The following ZNF804A variants were observed in gnomAD, a reference collection of about 807,000 sequenced individuals.
ZNF804A encodes the protein zinc finger protein 804A.
ZNF804A carries 2 observed loss-of-function variants against 16.5 expected under a neutral mutation model. The observed-to-expected ratio is 0.12, with a 90% CI of 0.05 to 0.38. ZNF804A has a LOEUF of 0.38. Ranked by LOEUF, ZNF804A falls within the 10% of genes least tolerant of loss-of-function variation. ZNF804A has a pLI of 0.99. For missense variants in ZNF804A, 1,473 were observed against 1,390.7 expected (o/e 1.06, Z -0.94); for synonymous variants, 534 against 489.6 (o/e 1.09, Z -1.20).
intron 1 of ZNF804A, among the ~76,000 whole-genome samples, chr2:184,851,975 C>T (rs1695610587): frequency 6.6e-6 from 1 of 151,518 alleles, no homozygotes. Context: ...TTGGGGCATT[C>T]GTATGTCTTC....
intron 1 of ZNF804A, among the ~76,000 whole-genome samples, chr2:184,793,148 C>G (rs1694576603): frequency 6.6e-6 from 1 of 152,076 alleles, no homozygotes; most frequent in Non-Finnish European, 1.5e-5. Context: ...TGTATATGTA[C>G]CATGTTTTCC....
At chr2:184,903,035 GT>G (rs964433480) in intron 2 of ZNF804A, among the ~76,000 whole-genome samples, 1 of 152,154 alleles carries the variant, frequency 6.6e-6, no homozygotes, top group Admixed American at 6.6e-5. Flanking sequence ...CAGGAACCAT[GT>G]TCTTAAGAGA....
At position 184,828,272 on chromosome 2, in the gene ZNF804A, G is replaced by A. The variant is rs915339683; in HGVS notation, c.112-38097G>A. Among the ~76,000 whole-genome samples the A allele has an allele frequency of 1.1e-3, 161 of 151,832 alleles. 4 individuals are homozygous for A. The highest frequency in any genetic ancestry group is 7.4e-5 in the Non-Finnish European group (5 of 67,768). ...AAACAACTGAATGATTTTCCATCCA[G>A]TAGACTCAGAGTCCACAAATAGTTT... is the stretch of plus-strand genomic sequence containing the variant. On this transcript the variant is annotated intron_variant, in intron 1 of 3. Coordinates refer to ENST00000302277, the MANE Select transcript of ZNF804A (RefSeq NM_194250.2).
chr2:184,866,710 T>C (rs1695882554), intron 2 of ZNF804A, among the ~76,000 whole-genome samples, 198 bp downstream of exon 2: 1 of 149,788 alleles, frequency 6.7e-6, no homozygotes, highest in African/African-American at 2.5e-5. Flanking sequence ...AAGGCACCAA[T>C]AGCAAAGTCT....
At chr2:184,923,752 G>T (rs1246544363) in intron 2 of ZNF804A, among the ~76,000 whole-genome samples, 3 of 151,800 alleles carry the variant, frequency 2.0e-5, no homozygotes, top group Admixed American at 6.6e-5. Context: ...GAGGGCTTTT[G>T]TCAGAAAGAG....
chr2:184,909,999 T>C (rs944535806), intron 2 of ZNF804A, among the ~76,000 whole-genome samples: 1 of 152,044 alleles, frequency 6.6e-6, no homozygotes, highest in Non-Finnish European at 1.5e-5. Flanking sequence ...TTTTTTATAA[T>C]TTTGAATTTT....
In ZNF804A at chr2:184,938,037, T is replaced by A. The variant is rs1685822989; in HGVS notation, c.2641T>A (p.Phe881Ile). The change falls in exon 4 of 4, where the codon TTC (phenylalanine) becomes ATC (isoleucine). Residue 881 changes from phenylalanine to isoleucine, a missense_variant. Physicochemically the swap from Phe to Ile is conservative, Grantham distance 21. Transcript: ENST00000302277. Reference sequence around the variant, plus strand: ...AAACCAATTAAGAAACAAACTGTCTTTCCACCCTAACAATCTCCTTCCTTC... The same window carrying A: ...AAACCAATTAAGAAACAAACTGTCTATCCACCCTAACAATCTCCTTCCTTC... ...QTNQLRNKLS[F>I]HPNNLLPSET... The A allele has an allele frequency of 6.2e-7, 1 of 1,614,044 alleles. No individual in the cohort carries two copies. The highest frequency in any genetic ancestry group is 8.5e-7 in the Non-Finnish European group (1 of 1,180,022).
At chr2:184,902,541 C>A (rs963208338) in intron 2 of ZNF804A, 2 of 152,116 alleles carry the variant, frequency 1.3e-5, no homozygotes, top group Admixed American at 6.6e-5. Context: ...TTGGGAGGAC[C>A]AGGAGCCTCT....
chr2:184,917,074 T>C (rs1685460202), intron 2 of ZNF804A, among the ~76,000 whole-genome samples: 1 of 152,096 alleles, frequency 6.6e-6, no homozygotes, highest in African/African-American at 2.4e-5. Context: ...CTAAAAAATA[T>C]TTTCACAGTA....
intron 1 of ZNF804A, among the ~76,000 whole-genome samples, chr2:184,645,710 G>C (rs956213012): frequency 2.6e-5 from 4 of 152,264 alleles, no homozygotes; most frequent in Non-Finnish European, 5.9e-5. Flanking sequence ...GAGGCTTTCA[G>C]CATGCTTTAG....
At chr2:184,702,127 G>C (rs1198205769) in intron 1 of ZNF804A, among the ~76,000 whole-genome samples, 1 of 151,872 alleles carries the variant, frequency 6.6e-6, no homozygotes. Flanking sequence ...TCTTTTTAAA[G>C]AACCTTGTTT....
chr2:184,649,569 T>TA (rs1408025874), intron 1 of ZNF804A, among the ~76,000 whole-genome samples: 1 of 151,458 alleles, frequency 6.6e-6, no homozygotes, highest in Non-Finnish European at 1.5e-5. Context: ...ATGAGCACAA[T>TA]AAAAAATGAC....
chr2:184,827,125 A>G (rs1695179828), intron 1 of ZNF804A, among the ~76,000 whole-genome samples: 1 of 151,848 alleles, frequency 6.6e-6, no homozygotes, highest in Non-Finnish European at 1.5e-5. Flanking sequence ...ACATGAGTTA[A>G]CATTATTCAA....
intron 1 of ZNF804A, among the ~76,000 whole-genome samples, chr2:184,857,888 C>A (rs1695727491): frequency 6.6e-6 from 1 of 151,936 alleles, no homozygotes; most frequent in African/African-American, 2.4e-5. Flanking sequence ...ATAGTTGGGT[C>A]TTGTTTATTT....
At chr2:184,883,928 C>G (rs1445103356) in intron 2 of ZNF804A, among the ~76,000 whole-genome samples, 1 of 152,064 alleles carries the variant, frequency 6.6e-6, no homozygotes, top group Non-Finnish European at 1.5e-5. Flanking sequence ...TCCTATTTCA[C>G]ATAGTACTAG....
chr2:184,794,204 C>G (rs544335031), intron 1 of ZNF804A, among the ~76,000 whole-genome samples: 1 of 152,080 alleles, frequency 6.6e-6, no homozygotes, highest in African/African-American at 2.4e-5. Flanking sequence ...TAGAAGTATT[C>G]CCTTTTCACT....
intron 2 of ZNF804A, among the ~76,000 whole-genome samples, chr2:184,898,330 C>A (rs1685121488): frequency 6.6e-6 from 1 of 152,008 alleles, no homozygotes; most frequent in Non-Finnish European, 1.5e-5. Context: ...CAGTGATGAA[C>A]AGTGAAGAAA....
chr2:184,691,942 T>C (rs1011666412), intron 1 of ZNF804A, among the ~76,000 whole-genome samples: 79 of 152,258 alleles, frequency 5.2e-4, no homozygotes, highest in African/African-American at 1.9e-3. Context: ...AAAGATCTTT[T>C]ACAATTGGTA....
intron 1 of ZNF804A, among the ~76,000 whole-genome samples, chr2:184,730,739 G>T (rs1693500086): frequency 6.6e-6 from 1 of 151,682 alleles, no homozygotes; most frequent in East Asian, 1.9e-4. Flanking sequence ...ATATTCCATT[G>T]TCTGGATGTG....
Sources: gnomAD v4.1 joint callset for allele counts (sites outside exome capture counted in the v4.1 genomes callset) on GRCh38, gnomAD v4.1.1 for gene constraint, MANE v1.5 for transcripts, NCBI Gene and HGNC (gene_info 2026-07-23, HGNC 2026-07-21) for gene names.